The following RGR variants were observed in gnomAD, a reference collection of about 807,000 sequenced individuals.
RGR encodes the protein retinal G protein coupled receptor, also known as RPE-retinal G protein-coupled receptor.
RGR carries 30 observed loss-of-function variants against 28.6 expected under a neutral mutation model. That is an observed-to-expected ratio of 1.05 (90% CI 0.78 to 1.42). The LOEUF (loss-of-function observed/expected upper bound fraction) is 1.42, where lower values mean the gene tolerates loss of function less well. Ranked by LOEUF, RGR falls within the 40% of genes most tolerant of loss-of-function variation. The probability of loss-of-function intolerance (pLI) is 0.00; values close to 1 mark genes in which losing one functional copy is unlikely to be tolerated. For synonymous variants in RGR, 180 were observed against 156.4 expected, an observed-to-expected ratio of 1.15 and a Z score of -1.13; for missense variants, 404 against 375.6, an observed-to-expected ratio of 1.08 and a Z score of -0.62.
At chr10:84,253,154 C>T in intron 4 of RGR, 144 bp downstream of exon 4, 4 of 931,876 alleles carry the variant, frequency 4.3e-6, no homozygotes, top group Admixed American at 5.0e-5. Context: ...TCATGATACC[C>T]ACCTGCAGGT....
chr10:84,247,924 T>C, intron 2 of RGR, 177 bp downstream of exon 2: 2 of 918,714 alleles, frequency 2.2e-6, no homozygotes, highest in Non-Finnish European at 3.4e-6. Context: ...CGACAGCTGA[T>C]TTCTGGAAGA....
At chr10:84,245,429 G>T (rs1842735862) in intron 1 of RGR, among the ~76,000 whole-genome samples, 1 of 152,204 alleles carries the variant, frequency 6.6e-6, no homozygotes, top group Non-Finnish European at 1.5e-5. Context: ...GGGGACATCT[G>T]CCCAGGAGAT....
At chr10:84,254,506 C>A in intron 5 of RGR, 63 bp downstream of exon 5, 1 of 1,354,544 alleles carries the variant, frequency 7.4e-7, no homozygotes, top group Non-Finnish European at 1.1e-6. Context: ...CTTGGTGTCC[C>A]GAACAAAGAA....
chr10:84,248,747 C>T, intron 2 of RGR, 175 bp from the exon 3 acceptor site: 4 of 1,124,820 alleles, frequency 3.6e-6, no homozygotes, highest in Non-Finnish European at 5.2e-6. Flanking sequence ...TTGGGCTCCA[C>T]CCCTTCAGCC....
At chr10:84,248,003 A>T in intron 2 of RGR, 1 of 636,752 alleles carries the variant, frequency 1.6e-6, no homozygotes. Context: ...TTCTGTAACC[A>T]AGCAACCTAG....
intron 1 of RGR, 142 bp downstream of exon 1, chr10:84,245,311 C>A: frequency 1.4e-6 from 1 of 737,704 alleles, no homozygotes; most frequent in Non-Finnish European, 2.2e-6. Context: ...CCCCTCTGTG[C>A]CCGGACTCGG....
In RGR at chr10:84,248,859, T is replaced by C. The variant is rs779008253; in HGVS notation, c.237-63T>C. On this transcript the variant is annotated intron_variant, in intron 2 of 6. Transcript: ENST00000652092. The stretch of plus-strand genomic sequence containing the variant: ...AGGAACACACACTCCAAGCTGTACT[T>C]GGCAGGTGTGGGAGGTGGAAAGGAT... 5 of 1,613,994 alleles carry C rather than the reference T, an allele frequency of 3.1e-6. No homozygotes were observed. In the African/African-American group the frequency reaches 5.3e-5, roughly 17 times the overall value.
intron 4 of RGR, 34 bp from the exon 5 acceptor site, chr10:84,254,292 G>A: frequency 6.3e-7 from 1 of 1,593,234 alleles, no homozygotes; most frequent in Non-Finnish European, 8.6e-7. Flanking sequence ...ATCCCTGAGA[G>A]CTAACCCCAA....
At chr10:84,245,916 G>A (rs756931024) in intron 1 of RGR, among the ~76,000 whole-genome samples, 40 of 152,172 alleles carry the variant, frequency 2.6e-4, no homozygotes, top group Admixed American at 1.4e-3. Context: ...GATGGAGAAC[G>A]CAGCTTTGGT....
rs770033750 is a variant in RGR at position 84,247,612 on chromosome 10, A to T, written c.101A>T (p.Asn34Ile). ...LVEALSGLSL[N>I]TLTIFSFCKT... ...TCAGCTCTCTCCGGTCTCAGCCTCA[A>T]TACCCTGACCATCTTCTCTTTCTGC... is the stretch of plus-strand genomic sequence containing the variant. Residue 34 changes from asparagine to isoleucine, a missense_variant, in exon 2 of 7, where the codon AAT becomes ATT. By Grantham distance (149) the Asn-to-Ile change is moderately radical. Transcript: ENST00000652092. 6.2e-7 allele frequency: 1 copy of T among 1,613,942 alleles called. No homozygotes were observed.
chr10:84,256,601 C>T (rs11200945), intron 5 of RGR, among the ~76,000 whole-genome samples: 9,924 of 152,186 alleles, frequency 0.065, 426 homozygotes, highest in Admixed American at 0.087. Context: ...CCCCGATGCT[C>T]CCCCGAGGTC....
chr10:84,247,819 C>T lies in RGR; in HGVS notation c.236+72C>T, dbSNP rs1842766915. The T allele has an allele frequency of 1.2e-6, 2 of 1,607,420 alleles. 1 individual carries two copies. On this transcript the variant is annotated intron_variant, in intron 2 of 6. Coordinates refer to ENST00000652092, the MANE Select transcript of RGR (RefSeq NM_001012720.2). ...GCCTGACCCCTGGGCCCTGGGCAGC[C>T]AGGCCAAGGGCATTTTTACTACTTA...
At chr10:84,254,264 C>T in intron 4 of RGR, 62 bp from the exon 5 acceptor site, 1 of 1,394,170 alleles carries the variant, frequency 7.2e-7, no homozygotes, top group East Asian at 2.3e-5. Flanking sequence ...GCTGGTGGGT[C>T]CTTGAGGGCA....
rs1842920280 is a variant in RGR, at chr10:84,258,739, G to C, written c.*100G>C. On this transcript the variant is annotated 3_prime_UTR_variant, in exon 7 of 7. Coordinates refer to ENST00000652092, the MANE Select transcript of RGR (RefSeq NM_001012720.2). ...CCCAGACACTCACCCACCTTCCCCA[G>C]TGGCCCCGTGGATCCTGGTCCTAGG... is the stretch of plus-strand genomic sequence containing the variant. 6.9e-7 allele frequency: 1 copy of C among 1,447,868 alleles called. No individual in the cohort carries two copies. The highest frequency in any genetic ancestry group is 1.8e-5 in the Admixed American group (1 of 56,312). The allele number at this position is 1,447,868 out of a possible 1,614,324, so 89.7% of individuals were successfully genotyped here. A position where few individuals can be genotyped will look rare whatever the true frequency, so the allele number is the denominator to read the frequency against.
chr10:84,247,674 G>A lies in RGR; in HGVS notation c.163G>A (p.Val55Met), dbSNP rs1564548176. 1 of 1,614,162 alleles carries A rather than the reference G, an allele frequency of 6.2e-7. No individual in the cohort carries two copies. The highest frequency in any genetic ancestry group is 8.5e-7 in the Non-Finnish European group (1 of 1,180,028). ...GCTGCGGACTCCCTGCCACCTACTG[G>A]TGCTGAGCTTGGCTCTTGCGGACAG... ...PELRTPCHLL[V>M]LSLALADSGI... The change falls in exon 2 of 7, where the codon GTG becomes ATG. Residue 55 changes from valine to methionine, a missense_variant. Val to Met is a conservative substitution (Grantham distance 21). Transcript: ENST00000652092.
chr10:84,258,016 C>G lies in RGR; in HGVS notation c.744+10C>G. 1.3e-6 allele frequency: 2 copies of G among 1,599,198 alleles called. No homozygotes were observed. The highest frequency in any genetic ancestry group is 1.7e-6 in the Non-Finnish European group (2 of 1,166,440). ...CCCCAAACTGCAGATGGTACAGATACTTCTAGTACCTAAAACTAGACCCCT... is the reference window on the plus strand; with the variant it reads ...CCCCAAACTGCAGATGGTACAGATAGTTCTAGTACCTAAAACTAGACCCCT... On this transcript the variant is annotated intron_variant, in intron 6 of 6. Transcript: ENST00000652092.
At chr10:84,250,031 C>A (rs954992272) in intron 3 of RGR, among the ~76,000 whole-genome samples, 4 of 152,088 alleles carry the variant, frequency 2.6e-5, no homozygotes, top group African/African-American at 9.7e-5. Flanking sequence ...CATCTAGAAC[C>A]CTGTTTACCA....
Position 84,254,440 on chromosome 10 carries a change from C to G in RGR, c.627C>G (p.Leu209=), listed in dbSNP as rs1842858864. The G allele has an allele frequency of 6.2e-7, 1 of 1,612,858 alleles. No homozygotes were observed. The highest frequency in any genetic ancestry group is 1.3e-5 in the African/African-American group (1 of 74,908). ...MEQKLGKSGH[L]QVNTTLPART... Reference sequence around the variant, plus strand: ...AGAAACTGGGGAAGAGTGGCCATCTCCAGGTAAGGACCCCCTTCCGGAGTG... The same window carrying G: ...AGAAACTGGGGAAGAGTGGCCATCTGCAGGTAAGGACCCCCTTCCGGAGTG... The change falls in exon 5 of 7, where the codon CTC becomes CTG. Residue 209 remains leucine (L), a synonymous_variant. Coordinates refer to ENST00000652092, the MANE Select transcript of RGR (RefSeq NM_001012720.2).
At position 84,257,993 on chromosome 10, in the gene RGR, C is replaced by A; in HGVS notation, c.731C>A (p.Pro244His). 6.2e-7 allele frequency: 1 copy of A among 1,614,022 alleles called. No homozygotes were observed. Among genetic ancestry groups the A allele is most frequent in the Non-Finnish European group, 8.5e-7 (1 of 1,179,890 alleles). The change falls in exon 6 of 7, where the codon CCC (proline) becomes CAC (histidine). Residue 244 changes from proline (P) to histidine (H), a missense_variant. Pro to His is a moderately conservative substitution (Grantham distance 77). Transcript: ENST00000652092. ...AVIADVTSISPKLQMVPALIA... is the reference protein window; with the variant it reads ...AVIADVTSISHKLQMVPALIA... ...ATCGCAGACGTGACTTCCATCTCCC[C>A]CAAACTGCAGATGGTACAGATACTT...
Sources: gnomAD v4.1 joint callset for allele counts (sites outside exome capture counted in the v4.1 genomes callset) on GRCh38, gnomAD v4.1.1 for gene constraint, MANE v1.5 for transcripts, NCBI Gene and HGNC (gene_info 2026-07-23, HGNC 2026-07-21) for gene names.